Variants in SLC38A4 observed in about 807,000 individuals in gnomAD.
SLC38A4 encodes the protein sodium-coupled neutral amino acid transporter 4.
A neutral mutation model predicts 63.1 loss-of-function variants in SLC38A4; 20 were observed. The ratio of observed to expected loss-of-function variants is 0.32; its 90% CI spans 0.22 to 0.46. SLC38A4 has a LOEUF of 0.46. Ranked by LOEUF, SLC38A4 falls within the 20% of genes least tolerant of loss-of-function variation. The pLI is 1.00. For missense variants in SLC38A4, 526 were observed against 663.6 expected (o/e 0.79, Z 2.28); for synonymous variants, 230 against 225.5 (o/e 1.02, Z -0.18).
chr12:46,775,559 C>T (rs180415), intron 13 of SLC38A4, among the ~76,000 whole-genome samples: 99,040 of 151,776 alleles, frequency 0.65, 34,428 homozygotes, highest in Middle Eastern at 0.81. Context: ...TCCCTACCTG[C>T]GCAGCCACTC....
chr12:46,789,246 T>A (rs1938830286), intron 3 of SLC38A4, among the ~76,000 whole-genome samples: 1 of 151,826 alleles, frequency 6.6e-6, no homozygotes, highest in Admixed American at 6.6e-5. Flanking sequence ...TACATACATC[T>A]CTTACTGGAA....
chr12:46,831,311 C>T (rs1939728486), intron 1 of SLC38A4, among the ~76,000 whole-genome samples: 2 of 152,358 alleles, frequency 1.3e-5, no homozygotes, highest in South Asian at 4.1e-4. Flanking sequence ...TTCCCGGGTC[C>T]GGGTTCCCTC....
intron 2 of SLC38A4, among the ~76,000 whole-genome samples, chr12:46,802,446 A>G (rs1217892323): frequency 2.6e-5 from 4 of 152,164 alleles, no homozygotes; most frequent in Admixed American, 6.5e-5. Flanking sequence ...ACTAACTCAC[A>G]TAACTAAAAA....
intron 2 of SLC38A4, among the ~76,000 whole-genome samples, chr12:46,793,470 A>G (rs572410358): frequency 6.6e-6 from 1 of 152,262 alleles, no homozygotes; most frequent in Admixed American, 6.5e-5. Context: ...AAAAAAAGAA[A>G]TCTTAAGACA....
intron 15 of SLC38A4, 133 bp downstream of exon 15, chr12:46,769,151 C>T (rs2120736089): frequency 3.1e-6 from 3 of 954,990 alleles, no homozygotes; most frequent in Non-Finnish European, 4.7e-6. Context: ...ATCACCAGAG[C>T]CTCTCAGGGA....
chr12:46,810,041 A>C (rs916229289), intron 1 of SLC38A4, among the ~76,000 whole-genome samples: 1 of 152,134 alleles, frequency 6.6e-6, no homozygotes, highest in Middle Eastern at 3.4e-3. Context: ...AGACATTCTA[A>C]TAATTATCAG....
chr12:46,776,867 G>A, intron 13 of SLC38A4, 37 bp downstream of exon 13: 2 of 1,577,096 alleles, frequency 1.3e-6, no homozygotes, highest in Non-Finnish European at 8.7e-7. Context: ...GCCTAACAAG[G>A]ATTTGCATAT....
intron 2 of SLC38A4, among the ~76,000 whole-genome samples, chr12:46,799,472 C>T (rs1939085954): frequency 6.6e-6 from 1 of 152,160 alleles, no homozygotes; most frequent in South Asian, 2.1e-4. Context: ...CATGGTGGCG[C>T]ATGCCTGTAG....
intron 7 of SLC38A4, among the ~76,000 whole-genome samples, chr12:46,783,421 G>A (rs1380887679): frequency 1.3e-5 from 2 of 152,000 alleles, no homozygotes; most frequent in Non-Finnish European, 2.9e-5. Context: ...CACGACAAAA[G>A]TAGAAACAGA....
intron 1 of SLC38A4, among the ~76,000 whole-genome samples, chr12:46,814,091 A>C (rs947069393): frequency 2.6e-5 from 4 of 152,062 alleles, no homozygotes; most frequent in Admixed American, 2.6e-4. Context: ...TGTATTGGAT[A>C]TACAGCATTA....
At chr12:46,820,728 T>G (rs1441829105) in intron 1 of SLC38A4, among the ~76,000 whole-genome samples, 1 of 151,990 alleles carries the variant, frequency 6.6e-6, no homozygotes, top group Non-Finnish European at 1.5e-5. Context: ...AGTAGTTCTA[T>G]TTTTCATTTT....
intron 1 of SLC38A4, among the ~76,000 whole-genome samples, chr12:46,805,971 G>A (rs1363488181): frequency 1.3e-5 from 2 of 151,772 alleles, no homozygotes; most frequent in African/African-American, 4.8e-5. Flanking sequence ...AGTGTCAGCA[G>A]AACTGCACAG....
Position 46,772,065 on chromosome 12 carries a change from C to T in SLC38A4, c.1300-2637G>A, listed in dbSNP as rs548685039. ...TGTTAGGGGGTGCTGTATTCTGATG[C>T]AGGGGCCCAATGTGAAGGTCAAAAA... is the stretch of plus-strand genomic sequence containing the variant. On this transcript the variant is annotated intron_variant, in intron 14 of 16. Transcript: ENST00000266579. Among the ~76,000 whole-genome samples the T allele has an allele frequency of 2.3e-4, 34 of 150,998 alleles. No homozygotes were observed. In the South Asian group the frequency reaches 5.4e-3, roughly 24 times the overall value.
At chr12:46,823,378 T>C (rs1321842179) in intron 1 of SLC38A4, among the ~76,000 whole-genome samples, 2 of 152,212 alleles carry the variant, frequency 1.3e-5, no homozygotes, top group African/African-American at 4.8e-5. Context: ...AAATACATTA[T>C]AAAGACAGCA....
At position 46,793,120 on chromosome 12, in the gene SLC38A4, A is replaced by T; in HGVS notation, c.-49T>A. 7.7e-7 allele frequency: 1 copy of T among 1,300,140 alleles called. No homozygotes were observed. The highest frequency in any genetic ancestry group is 1.2e-5 in the South Asian group (1 of 84,492). The allele number at this position is 1,300,140 out of a possible 1,614,324, so 80.5% of individuals were successfully genotyped here. A position where few individuals can be genotyped will look rare whatever the true frequency, so the allele number is the denominator to read the frequency against. On this transcript the variant is annotated 5_prime_UTR_variant, in exon 3 of 17. Transcript: ENST00000266579. ...CCACACACAAGCCCCTTCAGTGTAA[A>T]TAATATACTGTACCTTCAGCTTAAG...
intron 3 of SLC38A4, among the ~76,000 whole-genome samples, chr12:46,789,530 C>T (rs1938836399): frequency 6.6e-6 from 1 of 152,144 alleles, no homozygotes; most frequent in Non-Finnish European, 1.5e-5. Context: ...CCTGCAGTTA[C>T]AAGCCAGGGC....
At chr12:46,772,675 A>G (rs181199451) in intron 14 of SLC38A4, among the ~76,000 whole-genome samples, 3 of 152,238 alleles carry the variant, frequency 2.0e-5, no homozygotes, top group East Asian at 3.9e-4. Flanking sequence ...ACTAAAAAGG[A>G]AAAAACTAAC....
At chr12:46,804,395 G>C (rs1016071174) in intron 1 of SLC38A4, among the ~76,000 whole-genome samples, 1 of 151,714 alleles carries the variant, frequency 6.6e-6, no homozygotes. Flanking sequence ...TTATATGTTG[G>C]CAAATCATTT....
At chr12:46,781,948 A>T (rs1938651120) in intron 7 of SLC38A4, among the ~76,000 whole-genome samples, 1 of 152,056 alleles carries the variant, frequency 6.6e-6, no homozygotes, top group Non-Finnish European at 1.5e-5. Context: ...TGAGAGTTTG[A>T]AACAAATGTA....
Sources: allele counts gnomAD v4.1 joint callset (sites outside exome capture counted in the v4.1 genomes callset), GRCh38; gene constraint gnomAD v4.1.1; transcripts MANE v1.5; gene names NCBI Gene and HGNC (gene_info 2026-07-23, HGNC 2026-07-21).